Variants in USP47 observed in about 807,000 individuals in gnomAD.
USP47 encodes the protein ubiquitin carboxyl-terminal hydrolase 47.
A neutral mutation model predicts 165.1 loss-of-function variants in USP47; 35 were observed. The ratio of observed to expected loss-of-function variants is 0.21; its 90% CI spans 0.16 to 0.28. The LOEUF is 0.28. Among genes scored for constraint, USP47 ranks in the 10% least tolerant of loss-of-function variants. USP47 has a pLI of 1.00. For synonymous variants in USP47, 531 were observed against 544.5 expected, an observed-to-expected ratio of 0.98 and a Z score of 0.35; for missense variants, 1,277 against 1,607.4, an observed-to-expected ratio of 0.79 and a Z score of 3.52.
chr11:11,955,197 A>G (rs1856485135), intron 27 of USP47, 33 bp downstream of exon 27: 3 of 1,601,230 alleles, frequency 1.9e-6, no homozygotes, highest in African/African-American at 2.7e-5. Context: ...TGCTGTTAGT[A>G]ATACATTTTT....
chr11:11,855,202 T>A (rs1325335910), intron 1 of USP47, among the ~76,000 whole-genome samples: 1 of 152,216 alleles, frequency 6.6e-6, no homozygotes, highest in Non-Finnish European at 1.5e-5. Context: ...AAAATTAGTT[T>A]GGTTTATATA....
chr11:11,873,770 T>C lies in USP47; in HGVS notation c.40-6407T>C, dbSNP rs544888661. The C allele has an allele frequency of 8.7e-4, 1,102 of 1,262,572 alleles. 1 individual carries two copies. The highest frequency in any genetic ancestry group is 1.1e-3 in the Non-Finnish European group (1,020 of 957,406). The allele number at this position is 1,262,572 out of a possible 1,614,324, so 78.2% of individuals were successfully genotyped here. ...TTCCCTTTATTTTATATAAATAATT[T>C]GTAATTCATTTTGTTCTTATATACC... On this transcript the variant is annotated intron_variant, in intron 1 of 27. Transcript: ENST00000527733.
At chr11:11,845,481 A>G (rs1424770985) in intron 1 of USP47, among the ~76,000 whole-genome samples, 1 of 152,158 alleles carries the variant, frequency 6.6e-6, no homozygotes, top group African/African-American at 2.4e-5. Flanking sequence ...GGCAATTACT[A>G]GATGGTGCTT....
intron 25 of USP47, among the ~76,000 whole-genome samples, chr11:11,953,796 T>C (rs1856374518): frequency 6.6e-6 from 1 of 152,202 alleles, no homozygotes; most frequent in African/African-American, 2.4e-5. Context: ...GGTGAAGATT[T>C]AGAAAATCAA....
At position 11,949,975 on chromosome 11, in the gene USP47, G is replaced by A. The variant is rs374776258; in HGVS notation, c.3435G>A (p.Glu1145=). The A allele has an allele frequency of 5.0e-6, 8 of 1,612,518 alleles. No homozygotes were observed. Among genetic ancestry groups the A allele is most frequent in the Middle Eastern group, 1.6e-4 (1 of 6,074 alleles). The change falls in exon 23 of 28, where the codon GAG becomes GAA. Residue 1145 remains glutamate (E), a synonymous_variant. Coordinates refer to ENST00000527733, the MANE Select transcript of USP47 (RefSeq NM_001282659.2). ...AGGAATTAATTCCTCAGCTCAGGGA[G>A]CAATGTGGTTTAGAGCTCAGTATTG... ...SKEELIPQLR[E]QCGLELSIDR... is the part of the protein sequence containing the mutation.
Position 11,880,354 on chromosome 11 carries a change from G to A in USP47, c.217G>A (p.Gly73Arg), listed in dbSNP as rs761067902. 50 of 1,346,594 alleles carry A rather than the reference G, an allele frequency of 3.7e-5. No individual in the cohort carries two copies. The highest frequency in any genetic ancestry group is 2.9e-5 in the Non-Finnish European group (31 of 1,053,926). The allele number at this position is 1,346,594 out of a possible 1,614,324, so 83.4% of individuals were successfully genotyped here. ...AAATGGAACCTTTGACTTGGTGTGG[G>A]GAAATGGAATCAATACTGCTGATAT... is the stretch of plus-strand genomic sequence containing the variant. Reference protein sequence around the residue: ...YINGTFDLVWGNGINTADMAP... With the variant: ...YINGTFDLVWRNGINTADMAP... Residue 73 changes from glycine to arginine, a missense_variant, in exon 2 of 28, where the codon GGA becomes AGA. Gly to Arg is a moderately radical substitution (Grantham distance 125). Transcript: ENST00000527733.
Position 11,842,149 on chromosome 11 carries a change from C to T in USP47, c.-37C>T, listed in dbSNP as rs887427305. On this transcript the variant is annotated 5_prime_UTR_variant, in exon 1 of 28. Transcript: ENST00000527733. ...GCGAGCCGCCGCCACCCTCCACCCT[C>T]CCCCGGCAGGGCGGAGAGGAGCGGC... is the stretch of plus-strand genomic sequence containing the variant. 6.5e-6 allele frequency: 10 copies of T among 1,550,224 alleles called. No homozygotes were observed. Among genetic ancestry groups the T allele is most frequent in the Non-Finnish European group, 7.9e-6 (9 of 1,145,984 alleles).
At chr11:11,878,172 A>G (rs1364145939) in intron 1 of USP47, among the ~76,000 whole-genome samples, 1 of 152,168 alleles carries the variant, frequency 6.6e-6, no homozygotes, top group Admixed American at 6.6e-5. Context: ...ATTTAGGGAA[A>G]GAACCAGGAA....
chr11:11,922,854 G>A lies in USP47; in HGVS notation c.1349G>A (p.Ser450Asn). ...VDEGICLETN[S>N]GTEKISKSGL... Reference sequence around the variant, plus strand: ...GAAGGAATCTGTCTTGAAACCAATAGTGGAACTGAAAAGATCTCAAAATCT... The same window carrying A: ...GAAGGAATCTGTCTTGAAACCAATAATGGAACTGAAAAGATCTCAAAATCT... The change falls in exon 11 of 28, where the codon AGT becomes AAT. Residue 450 changes from serine (S) to asparagine (N), a missense_variant. This residue lies in a region of USP47 where 909 missense variants were observed against 1,068.1 expected (regional missense o/e 0.85). Coordinates refer to ENST00000527733, the MANE Select transcript of USP47 (RefSeq NM_001282659.2). 1 of 1,610,430 alleles carries A rather than the reference G, an allele frequency of 6.2e-7. No homozygotes were observed.
At chr11:11,876,263 C>CTT (rs10652918) in intron 1 of USP47, among the ~76,000 whole-genome samples, 118,791 of 151,844 alleles carry the variant, frequency 0.78, 47,178 homozygotes, top group African/African-American at 0.93. Context: ...TCAGAGAACT[C>CTT]TTGACTAAAA....
intron 22 of USP47, among the ~76,000 whole-genome samples, chr11:11,949,295 T>C (rs1474446413): frequency 6.6e-6 from 1 of 152,164 alleles, no homozygotes; most frequent in Non-Finnish European, 1.5e-5. Context: ...TTTCAGAATG[T>C]TATAACATCC....
chr11:11,878,553 A>G (rs1198821087), intron 1 of USP47: 1 of 152,136 alleles, frequency 6.6e-6, no homozygotes, highest in Non-Finnish European at 1.5e-5. Context: ...TCTAAAATAT[A>G]TAGGTGAAGG....
intron 1 of USP47, among the ~76,000 whole-genome samples, chr11:11,875,736 T>A (rs1050727543): frequency 6.6e-5 from 10 of 152,186 alleles, no homozygotes; most frequent in Non-Finnish European, 1.2e-4. Flanking sequence ...TCCAAGTAGC[T>A]GAGGTTACGG....
intron 1 of USP47, chr11:11,856,570 A>AT (rs1269574132): frequency 6.6e-6 from 1 of 152,536 alleles, no homozygotes; most frequent in Admixed American, 6.5e-5. Flanking sequence ...GTGTCTTCAA[A>AT]TAGGCTAACC....
intron 5 of USP47, among the ~76,000 whole-genome samples, chr11:11,899,905 G>C (rs1369691480): frequency 6.6e-6 from 1 of 152,074 alleles, no homozygotes; most frequent in Non-Finnish European, 1.5e-5. Flanking sequence ...TATCCACAGA[G>C]TAGTGCTAGT....
In USP47 at chr11:11,955,997, G is replaced by A. The variant is rs2134921286; in HGVS notation, c.3894-4G>A. ...CTAATATGTGATTAATATTTTATAT[G>A]TAGGGATAAAACAGAAGAATTAATG... On this transcript the variant is annotated splice_polypyrimidine_tract_variant and splice_region_variant and intron_variant, in intron 27 of 27. Transcript: ENST00000527733. The A allele has an allele frequency of 1.9e-6, 3 of 1,545,756 alleles. No homozygotes were observed. Among genetic ancestry groups the A allele is most frequent in the East Asian group, 2.3e-5 (1 of 44,234 alleles).
At chr11:11,904,065 A>G (rs539572370) in intron 7 of USP47, among the ~76,000 whole-genome samples, 2 of 152,306 alleles carry the variant, frequency 1.3e-5, no homozygotes, top group African/African-American at 4.8e-5. Context: ...TATTGGGCCT[A>G]CAACAGCATT....
At position 11,955,174 on chromosome 11, in the gene USP47, A is replaced by G. The variant is rs767940357; in HGVS notation, c.3893+10A>G. 5.0e-6 allele frequency: 8 copies of G among 1,607,308 alleles called. No individual in the cohort carries two copies. In the South Asian group the frequency reaches 8.9e-5, roughly 18 times the overall value. Reference sequence around the variant, plus strand: ...CGGTCATATTTTATAGGTAACATTCACAATGTTTTTGTTGCTGTTAGTAAT... The same window carrying G: ...CGGTCATATTTTATAGGTAACATTCGCAATGTTTTTGTTGCTGTTAGTAAT... On this transcript the variant is annotated intron_variant, in intron 27 of 27. Coordinates refer to ENST00000527733, the MANE Select transcript of USP47 (RefSeq NM_001282659.2).
At chr11:11,865,482 GC>G (rs1295169238) in intron 1 of USP47, among the ~76,000 whole-genome samples, 2 of 151,886 alleles carry the variant, frequency 1.3e-5, no homozygotes, top group Non-Finnish European at 2.9e-5. Flanking sequence ...TTATTTATTT[GC>G]TGAGACTTTC....
Sources: allele counts gnomAD v4.1 joint callset (sites outside exome capture counted in the v4.1 genomes callset), GRCh38; gene constraint gnomAD v4.1.1; regional missense constraint gnomAD v4.1.1; transcripts MANE v1.5; gene names NCBI Gene and HGNC (gene_info 2026-07-23, HGNC 2026-07-21).